Variants in TTL observed in about 807,000 individuals in gnomAD.
TTL encodes the protein tubulin tyrosine ligase.
A neutral mutation model predicts 41.1 loss-of-function variants in TTL; 10 were observed. The observed-to-expected ratio is 0.24, with a 90% CI of 0.15 to 0.41. TTL has a LOEUF of 0.41. TTL is among the 10% of genes least tolerant of loss of function. The pLI is 1.00. For synonymous variants in TTL, 175 were observed against 175.5 expected, an observed-to-expected ratio of 1.00 and a Z score of 0.02; for missense variants, 367 against 460.4, an observed-to-expected ratio of 0.80 and a Z score of 1.86.
chr2:112,538,866 C>G lies in TTL; in HGVS notation c.*10071C>G, dbSNP rs1682651511. On this transcript the variant is annotated 3_prime_UTR_variant, in exon 7 of 7. Transcript: ENST00000233336. ...GTCGCGGTGGCTCACGCCTGTCATC[C>G]CAGCACTTTGGGAGGCCAAGGCGGG... 6.6e-6 allele frequency: 1 copy of G among 152,244 alleles called. No homozygotes were observed. Among genetic ancestry groups the G allele is most frequent in the Non-Finnish European group, 1.5e-5 (1 of 68,204 alleles). 9.4% of individuals were successfully genotyped at this position (152,244 alleles called of 1,614,324 possible).
intron 5 of TTL, among the ~76,000 whole-genome samples, chr2:112,510,578 T>A (rs1159361025): frequency 6.6e-6 from 1 of 150,906 alleles, no homozygotes; most frequent in East Asian, 2.0e-4. Context: ...TTCAAGCGAT[T>A]CTCCTGCCTC....
rs1391294307 is a variant in TTL, at chr2:112,534,143, A to G, written c.*5348A>G. On this transcript the variant is annotated 3_prime_UTR_variant, in exon 7 of 7. Transcript: ENST00000233336. The stretch of plus-strand genomic sequence containing the variant: ...AGACCATCCTGGCTAACACAGTGAA[A>G]CCCCATCTCTACTAAAAATACAAAA... 6.6e-6 allele frequency: 1 copy of G among 152,112 alleles called. No homozygotes were observed. The highest frequency in any genetic ancestry group is 3.2e-3 in the Middle Eastern group (1 of 316). 9.4% of individuals were successfully genotyped at this position (152,112 alleles called of 1,614,324 possible).
chr2:112,495,962 G>A (rs147792343), intron 3 of TTL, among the ~76,000 whole-genome samples: 1 of 152,184 alleles, frequency 6.6e-6, no homozygotes, highest in Non-Finnish European at 1.5e-5. Flanking sequence ...TTCCACCAGC[G>A]ATGAGACAGG....
chr2:112,513,853 C>T (rs1376021953), intron 5 of TTL, among the ~76,000 whole-genome samples: 3 of 151,960 alleles, frequency 2.0e-5, no homozygotes, highest in Admixed American at 2.0e-4. Context: ...AGTGGTTATT[C>T]ATATCCCTAG....
chr2:112,531,874 A>T lies in TTL; in HGVS notation c.*3079A>T, dbSNP rs1222229329. ...TTTATGAAGCTTTGACAACAAATGT[A>T]AACAGACACGAAATTATAAATCTGC... On this transcript the variant is annotated 3_prime_UTR_variant, in exon 7 of 7. Coordinates refer to ENST00000233336, the MANE Select transcript of TTL (RefSeq NM_153712.5). The T allele has an allele frequency of 5.4e-5, 12 of 222,562 alleles. No individual in the cohort carries two copies. Among genetic ancestry groups the T allele is most frequent in the Non-Finnish European group, 9.9e-5 (11 of 111,470 alleles). The allele number at this position is 222,562 out of a possible 1,614,324, so 13.8% of individuals were successfully genotyped here.
intron 5 of TTL, among the ~76,000 whole-genome samples, chr2:112,518,154 TTA>T (rs1283724841): frequency 1.3e-5 from 2 of 150,628 alleles, no homozygotes; most frequent in African/African-American, 4.9e-5. Flanking sequence ...TTTTTTTTTT[TTA>T]AGTAGAGAGC....
chr2:112,531,186 A>G lies in TTL; in HGVS notation c.*2391A>G, dbSNP rs1325948918. 4.6e-6 allele frequency: 1 copy of G among 219,426 alleles called. No homozygotes were observed. Among genetic ancestry groups the G allele is most frequent in the African/African-American group, 2.2e-5 (1 of 44,520 alleles). 13.6% of individuals were successfully genotyped at this position (219,426 alleles called of 1,614,324 possible). On this transcript the variant is annotated 3_prime_UTR_variant, in exon 7 of 7. Coordinates refer to ENST00000233336, the MANE Select transcript of TTL (RefSeq NM_153712.5). The stretch of plus-strand genomic sequence containing the variant: ...GTTCATGCGGAATGATTGGTTCAGA[A>G]CTGTTCCTTTCCCTTCCATGATGTC...
rs965641792 is a variant in TTL at position 112,529,081 on chromosome 2, G to T, written c.*286G>T. ...AGCTCCTTCCCCTCTCCCCGGGAAC[G>T]GCAGGGCACTGGGACCTCTGGTCGG... On this transcript the variant is annotated 3_prime_UTR_variant, in exon 7 of 7. Coordinates refer to ENST00000233336, the MANE Select transcript of TTL (RefSeq NM_153712.5). 2.1e-6 allele frequency: 1 copy of T among 477,472 alleles called. No individual in the cohort carries two copies. The highest frequency in any genetic ancestry group is 3.8e-6 in the Non-Finnish European group (1 of 261,456). 29.6% of individuals were successfully genotyped at this position (477,472 alleles called of 1,614,324 possible).
intron 6 of TTL, chr2:112,521,080 T>A: frequency 1.5e-6 from 1 of 665,268 alleles, no homozygotes; most frequent in African/African-American, 2.0e-5. Context: ...CAGGAAGGAG[T>A]CAGAGAAGGC....
intron 2 of TTL, among the ~76,000 whole-genome samples, chr2:112,486,761 A>G (rs1314334210): frequency 6.6e-6 from 1 of 152,182 alleles, no homozygotes; most frequent in Admixed American, 6.5e-5. Flanking sequence ...CCTCCCTCGT[A>G]AGGCTATTAT....
chr2:112,497,896 T>A (rs892255195), intron 3 of TTL, among the ~76,000 whole-genome samples: 2 of 152,184 alleles, frequency 1.3e-5, no homozygotes, highest in Non-Finnish European at 1.5e-5. Context: ...TTTATTAAAA[T>A]GGTTATAATA....
rs199531320 is a variant in TTL, at chr2:112,517,441, GT to G, written c.876-2838del. Among the ~76,000 whole-genome samples, 530 of 151,714 alleles carry G rather than the reference GT, an allele frequency of 3.5e-3. 7 individuals carry two copies. In the East Asian group the frequency reaches 0.059, roughly 17 times the overall value. ...TTTTTGTATGTTTAGTAGAGATGAGGTTTCACCATGTTGGCTAGGCTGGTTT... is the reference window on the plus strand; with the variant it reads ...TTTTTGTATGTTTAGTAGAGATGAGGTTCACCATGTTGGCTAGGCTGGTTT... On this transcript the variant is annotated intron_variant, in intron 5 of 6. Transcript: ENST00000233336.
intron 3 of TTL, among the ~76,000 whole-genome samples, chr2:112,496,448 T>G (rs1460923704): frequency 6.6e-6 from 1 of 152,184 alleles, no homozygotes; most frequent in Admixed American, 6.5e-5. Context: ...CTACCCATTA[T>G]GAAGCTACTG....
intron 2 of TTL, among the ~76,000 whole-genome samples, chr2:112,493,026 G>A (rs1401772176): frequency 6.6e-6 from 1 of 152,236 alleles, no homozygotes; most frequent in African/African-American, 2.4e-5. Flanking sequence ...CAGATACGGA[G>A]TTGAACTTTC....
Position 112,531,028 on chromosome 2 carries a change from G to C in TTL, c.*2233G>C, listed in dbSNP as rs1457241495. 1.0e-5 allele frequency: 2 copies of C among 194,422 alleles called. No homozygotes were observed. The highest frequency in any genetic ancestry group is 2.1e-5 in the Non-Finnish European group (2 of 93,260). 12.0% of individuals were successfully genotyped at this position (194,422 alleles called of 1,614,324 possible). A position where few individuals can be genotyped will look rare whatever the true frequency, so the allele number is the denominator to read the frequency against. On this transcript the variant is annotated 3_prime_UTR_variant, in exon 7 of 7. Transcript: ENST00000233336. ...GTGTTGCCCAGGCTGGATTGCAGTG[G>C]CTATTCGCAGTTGTAATCATAGCAC...
chr2:112,499,336 T>G (rs959573377), intron 3 of TTL, among the ~76,000 whole-genome samples: 9 of 152,040 alleles, frequency 5.9e-5, no homozygotes, highest in African/African-American at 2.2e-4. Flanking sequence ...TGGAAGAGAA[T>G]AGAGAACTCA....
intron 5 of TTL, among the ~76,000 whole-genome samples, chr2:112,503,845 G>A: frequency 8.5e-6 from 1 of 117,836 alleles, no homozygotes; most frequent in Non-Finnish European, 1.7e-5. Flanking sequence ...TAAGTTTTAG[G>A]GTACATGTGC....
intron 6 of TTL, among the ~76,000 whole-genome samples, chr2:112,522,718 C>G (rs1242270012): frequency 1.3e-5 from 2 of 152,196 alleles, no homozygotes; most frequent in Admixed American, 1.3e-4. Context: ...CCACCCCCTG[C>G]TCCCCCCAGA....
At chr2:112,502,174 C>A (rs1681718078) in intron 4 of TTL, among the ~76,000 whole-genome samples, 1 of 152,186 alleles carries the variant, frequency 6.6e-6, no homozygotes, top group South Asian at 2.1e-4. Flanking sequence ...TTACCCTTGG[C>A]CTTGCTGTCA....
Sources: gnomAD v4.1 joint callset for allele counts (sites outside exome capture counted in the v4.1 genomes callset) on GRCh38, gnomAD v4.1.1 for gene constraint, MANE v1.5 for transcripts, NCBI Gene and HGNC (gene_info 2026-07-23, HGNC 2026-07-21) for gene names.